The following MYO5B variants were observed in gnomAD, a reference collection of about 807,000 sequenced individuals.
The protein encoded by MYO5B is myosin VB.
Under a neutral mutation model 229.3 loss-of-function variants are expected in MYO5B, and 143 were observed. The ratio of observed to expected loss-of-function variants is 0.62; its 90% CI spans 0.54 to 0.72. MYO5B has a LOEUF of 0.72. Among genes scored for constraint, MYO5B ranks in the 30% least tolerant of loss-of-function variants. The pLI, the probability that MYO5B is intolerant of heterozygous loss-of-function variation, is 0.00. For missense variants in MYO5B, 2,321 were observed against 2,331.0 expected (o/e 1.00, Z 0.09); for synonymous variants, 918 against 885.2 (o/e 1.04, Z -0.66).
intron 1 of MYO5B, among the ~76,000 whole-genome samples, chr18:50,062,738 A>C (rs1277569791): frequency 6.6e-6 from 1 of 152,142 alleles, no homozygotes; most frequent in African/African-American, 2.4e-5. Context: ...TAGTCCTGCA[A>C]ATTTGGGGAG....
At chr18:49,908,569 G>A (rs930534560) in intron 18 of MYO5B, among the ~76,000 whole-genome samples, 4 of 152,110 alleles carry the variant, frequency 2.6e-5, no homozygotes, top group East Asian at 1.9e-4. Flanking sequence ...ATCCCCTTTC[G>A]TGACACTGTC....
chr18:50,151,545 C>T (rs1023753227), intron 1 of MYO5B, among the ~76,000 whole-genome samples: 10 of 152,212 alleles, frequency 6.6e-5, no homozygotes, highest in African/African-American at 1.7e-4. Context: ...GACTCCATCA[C>T]TTTCTAACTG....
intron 1 of MYO5B, among the ~76,000 whole-genome samples, chr18:50,155,709 T>C (rs1329387309): frequency 6.6e-6 from 1 of 152,230 alleles, no homozygotes; most frequent in African/African-American, 2.4e-5. Context: ...AAGTAAGACT[T>C]GGCAATTGTC....
chr18:50,119,591 T>G (rs2032024720), intron 1 of MYO5B, among the ~76,000 whole-genome samples: 4 of 152,176 alleles, frequency 2.6e-5, no homozygotes, highest in Non-Finnish European at 4.4e-5. Flanking sequence ...TCCGGAGCTT[T>G]CCCGAAGTCC....
chr18:49,880,067 A>G (rs970340299), intron 23 of MYO5B, among the ~76,000 whole-genome samples: 5 of 152,164 alleles, frequency 3.3e-5, no homozygotes, highest in African/African-American at 1.2e-4. Context: ...GTAGATGAAC[A>G]AACTGAAAGC....
At chr18:50,176,651 G>A (rs186934259) in intron 1 of MYO5B, among the ~76,000 whole-genome samples, 144 of 152,272 alleles carry the variant, frequency 9.5e-4, no homozygotes, top group African/African-American at 3.3e-3. Context: ...ACCACTCAGA[G>A]TTCACCCAAG....
chr18:49,872,313 T>C, intron 26 of MYO5B, 81 bp from the exon 27 acceptor site: 2 of 1,408,000 alleles, frequency 1.4e-6, no homozygotes, highest in South Asian at 1.2e-5. Context: ...TGGTCAAACT[T>C]GCTCATCCTG....
At chr18:49,956,583 A>C (rs1239186501) in intron 12 of MYO5B, among the ~76,000 whole-genome samples, 1 of 152,222 alleles carries the variant, frequency 6.6e-6, no homozygotes, top group African/African-American at 2.4e-5. Flanking sequence ...GAAAGAAAAA[A>C]AATCTTATAT....
chr18:49,973,433 G>C (rs2025712272), intron 10 of MYO5B, among the ~76,000 whole-genome samples: 1 of 152,204 alleles, frequency 6.6e-6, no homozygotes, highest in South Asian at 2.1e-4. Flanking sequence ...GTTCGCACTA[G>C]AGTGTCACTG....
At chr18:49,909,982 C>T (rs144290630) in intron 18 of MYO5B, among the ~76,000 whole-genome samples, 12 of 152,252 alleles carry the variant, frequency 7.9e-5, no homozygotes, top group Admixed American at 3.3e-4. Context: ...CTGTCCTCTA[C>T]GAAAAAGGAC....
chr18:50,024,905 C>G (rs865779080), intron 4 of MYO5B, among the ~76,000 whole-genome samples: 3 of 152,158 alleles, frequency 2.0e-5, no homozygotes, highest in South Asian at 2.1e-4. Context: ...AGTCAAAACA[C>G]TGTTCATTAT....
intron 32 of MYO5B, 80 bp downstream of exon 32, chr18:49,849,487 G>A (rs2024172074): frequency 2.0e-6 from 2 of 978,058 alleles, no homozygotes; most frequent in Admixed American, 1.7e-5. Context: ...ATGTGCAGAG[G>A]GCAGGCAGAC....
intron 21 of MYO5B, among the ~76,000 whole-genome samples, chr18:49,902,306 C>G (rs1391124657): frequency 6.6e-6 from 1 of 152,050 alleles, no homozygotes; most frequent in Non-Finnish European, 1.5e-5. Context: ...TTATATCAAG[C>G]TCACCTGGCT....
intron 14 of MYO5B, among the ~76,000 whole-genome samples, chr18:49,943,302 C>T (rs2025337365): frequency 6.6e-6 from 1 of 151,730 alleles, no homozygotes; most frequent in East Asian, 1.9e-4. Flanking sequence ...ACCAACATGA[C>T]ACATGTATAC....
chr18:49,937,281 G>C lies in MYO5B; in HGVS notation c.1869C>G (p.Val623=), dbSNP rs757853773. Residue 623 remains valine, a synonymous_variant, in exon 15 of 40, where the codon GTC becomes GTG. Transcript: ENST00000285039. ...SVRSARPPMK[V]SNKEHKKTVG... is the part of the protein sequence containing the mutation. The stretch of plus-strand genomic sequence containing the variant: ...CGGTTTTCTTGTGCTCCTTGTTGGA[G>C]ACTTTCATGGGGGGTCTGGCAGAAC... 1 of 1,614,166 alleles carries C rather than the reference G, an allele frequency of 6.2e-7. No homozygotes were observed. Among genetic ancestry groups the C allele is most frequent in the African/African-American group, 1.3e-5 (1 of 75,042 alleles).
intron 7 of MYO5B, among the ~76,000 whole-genome samples, chr18:49,986,140 C>T (rs767546471): frequency 2.6e-5 from 4 of 152,200 alleles, no homozygotes; most frequent in Non-Finnish European, 5.9e-5. Flanking sequence ...ACCACATACC[C>T]TCCAGACTCA....
intron 1 of MYO5B, chr18:50,063,924 T>C (rs2030754036): frequency 2.0e-5 from 3 of 152,396 alleles, no homozygotes; most frequent in Non-Finnish European, 1.5e-5. Flanking sequence ...GAGTAAGCAG[T>C]GTGTCCTCAG....
At chr18:49,948,893 A>T (rs2025403207) in intron 14 of MYO5B, among the ~76,000 whole-genome samples, 1 of 152,184 alleles carries the variant, frequency 6.6e-6, no homozygotes, top group Admixed American at 6.5e-5. Flanking sequence ...TTTATTTTAA[A>T]ATCTAGGTTT....
chr18:50,153,742 G>T (rs572539627), intron 1 of MYO5B, among the ~76,000 whole-genome samples: 1 of 152,316 alleles, frequency 6.6e-6, no homozygotes, highest in African/African-American at 2.4e-5. Flanking sequence ...GAGTCACTGT[G>T]CCCGGCCTCA....
Sources: allele counts gnomAD v4.1 joint callset (sites outside exome capture counted in the v4.1 genomes callset), GRCh38; gene constraint gnomAD v4.1.1; transcripts MANE v1.5; gene names NCBI Gene and HGNC (gene_info 2026-07-23, HGNC 2026-07-21).